Variants in MSI2 observed in about 807,000 individuals in gnomAD.
MSI2 encodes the protein RNA-binding protein Musashi homolog 2.
MSI2 carries 17 observed loss-of-function variants against 45.6 expected under a neutral mutation model. That is an observed-to-expected ratio of 0.37 (90% confidence interval 0.26 to 0.56). The LOEUF is 0.56. MSI2 is among the 20% of genes least tolerant of loss of function. The probability of loss-of-function intolerance (pLI) is 0.77; values close to 1 mark genes in which losing one functional copy is unlikely to be tolerated. For missense variants in MSI2, 293 were observed against 444.2 expected (o/e 0.66, Z 3.06); for synonymous variants, 156 against 158.2 (o/e 0.99, Z 0.11).
chr17:57,548,687 G>A (rs1001764329), intron 7 of MSI2, among the ~76,000 whole-genome samples: 2 of 151,896 alleles, frequency 1.3e-5, no homozygotes, highest in Non-Finnish European at 2.9e-5. Context: ...GGGGCTGGGA[G>A]CGGGTGGGGG....
intron 6 of MSI2, among the ~76,000 whole-genome samples, chr17:57,509,382 G>A (rs779983068): frequency 2.0e-5 from 3 of 152,024 alleles, no homozygotes; most frequent in Admixed American, 6.6e-5. Flanking sequence ...ATATTGAGTC[G>A]GCCTCACCAG....
chr17:57,424,093 A>G (rs115532277), intron 6 of MSI2, among the ~76,000 whole-genome samples: 5,394 of 152,254 alleles, frequency 0.035, 111 homozygotes, highest in Middle Eastern at 0.085. Context: ...GGTTCTTCTC[A>G]GAGATCCTTT....
chr17:57,341,833 C>A (rs74567975), intron 5 of MSI2, among the ~76,000 whole-genome samples: 2,020 of 152,288 alleles, frequency 0.013, 47 homozygotes, highest in African/African-American at 0.046. Flanking sequence ...TGAAGACCTC[C>A]AGGGATTTGC....
chr17:57,646,411 A>G (rs901761792), intron 10 of MSI2, among the ~76,000 whole-genome samples: 1 of 152,222 alleles, frequency 6.6e-6, no homozygotes, highest in African/African-American at 2.4e-5. Context: ...CAGGTTGGTG[A>G]CATCTTTCAC....
At chr17:57,639,231 C>T (rs907972765) in intron 10 of MSI2, among the ~76,000 whole-genome samples, 9 of 152,160 alleles carry the variant, frequency 5.9e-5, no homozygotes, top group African/African-American at 9.7e-5. Flanking sequence ...GGGCAACATC[C>T]GAGCCGAGTT....
At chr17:57,563,121 A>AAC (rs1555624268) in intron 7 of MSI2, among the ~76,000 whole-genome samples, 14 of 150,098 alleles carry the variant, frequency 9.3e-5, no homozygotes, top group African/African-American at 3.0e-4. Context: ...AAAAAAAAAA[A>AAC]CAGTGCATAG....
intron 10 of MSI2, among the ~76,000 whole-genome samples, chr17:57,639,823 G>C (rs1910117527): frequency 6.6e-6 from 1 of 152,184 alleles, no homozygotes. Flanking sequence ...AAGGTGCTGG[G>C]ATTCAGGTAA....
At chr17:57,402,721 C>T (rs2084015860) in intron 6 of MSI2, among the ~76,000 whole-genome samples, 1 of 152,116 alleles carries the variant, frequency 6.6e-6, no homozygotes, top group African/African-American at 2.4e-5. Flanking sequence ...GATAGGAGAC[C>T]GTGCAACAAA....
intron 5 of MSI2, among the ~76,000 whole-genome samples, chr17:57,288,912 A>T (rs1910149897): frequency 6.6e-6 from 1 of 152,160 alleles, no homozygotes. Flanking sequence ...TACCCACTAG[A>T]TGCCAGTAGC....
At chr17:57,489,313 G>A (rs2085820344) in intron 6 of MSI2, among the ~76,000 whole-genome samples, 1 of 152,232 alleles carries the variant, frequency 6.6e-6, no homozygotes, top group East Asian at 1.9e-4. Context: ...CCCTAAAGAG[G>A]CATGTAGCAG....
chr17:57,297,844 C>T (rs1383165018), intron 5 of MSI2, among the ~76,000 whole-genome samples: 1 of 152,180 alleles, frequency 6.6e-6, no homozygotes, highest in African/African-American at 2.4e-5. Context: ...TTTCTTTGCT[C>T]ATCCATAAGA....
chr17:57,556,014 A>G (rs1407783253), intron 7 of MSI2, among the ~76,000 whole-genome samples: 2 of 152,220 alleles, frequency 1.3e-5, no homozygotes, highest in South Asian at 2.1e-4. Flanking sequence ...GGTAATGGTG[A>G]CACATTATCT....
chr17:57,542,580 C>T (rs1456609252), intron 7 of MSI2, among the ~76,000 whole-genome samples: 2 of 152,200 alleles, frequency 1.3e-5, no homozygotes, highest in Non-Finnish European at 2.9e-5. Context: ...CACCCCAGAC[C>T]AATTAAGTGA....
At chr17:57,272,926 T>C (rs775031464) in intron 5 of MSI2, among the ~76,000 whole-genome samples, 1 of 152,202 alleles carries the variant, frequency 6.6e-6, no homozygotes, top group Non-Finnish European at 1.5e-5. Context: ...TTTAAATCCC[T>C]TTCAACTCAG....
chr17:57,675,028 G>A lies in MSI2; in HGVS notation c.847G>A (p.Ala283Thr), dbSNP rs116924898. 17,200 of 1,613,946 alleles carry A rather than the reference G, an allele frequency of 0.011. 121 individuals carry two copies. The highest frequency in any genetic ancestry group is 0.013 in the Non-Finnish European group (15,274 of 1,179,986). The change falls in exon 12 of 14, where the codon GCC becomes ACC. Residue 283 changes from alanine to threonine, a missense_variant. Transcript: ENST00000284073. ...FPGANSPGPV[A>T]DLYGPASQDS... The stretch of plus-strand genomic sequence containing the variant: ...GGGGGCCAACAGCCCAGGACCTGTC[G>A]CCGATCTCTACGGCCCTGCCAGCCA...
intron 6 of MSI2, among the ~76,000 whole-genome samples, chr17:57,526,359 GTGT>G (rs2086697402): frequency 3.0e-5 from 2 of 66,932 alleles, no homozygotes; most frequent in Non-Finnish European, 3.8e-5. Context: ...ATACCTGGGT[GTGT>G]GTGTGTGTGT....
At chr17:57,448,930 C>G (rs554045105) in intron 6 of MSI2, 1 of 152,308 alleles carries the variant, frequency 6.6e-6, no homozygotes, top group South Asian at 2.1e-4. Context: ...GAGGATCACA[C>G]AAGATCATGC....
chr17:57,670,336 G>T (rs1912688341), intron 11 of MSI2, among the ~76,000 whole-genome samples: 2 of 152,212 alleles, frequency 1.3e-5, no homozygotes, highest in African/African-American at 4.8e-5. Context: ...TGTCACTGCA[G>T]TTGGGCAGAG....
chr17:57,609,651 A>C (rs1907030423), intron 8 of MSI2, among the ~76,000 whole-genome samples: 1 of 152,198 alleles, frequency 6.6e-6, no homozygotes, highest in Admixed American at 6.5e-5. Context: ...TACTTCCCAA[A>C]GCTTGGCATA....
Sources: allele counts gnomAD v4.1 joint callset (sites outside exome capture counted in the v4.1 genomes callset), GRCh38; gene constraint gnomAD v4.1.1; transcripts MANE v1.5; gene names NCBI Gene and HGNC (gene_info 2026-07-23, HGNC 2026-07-21).